ATP11C: variants seen among roughly 807,000 people sequenced by gnomAD.
The protein encoded by ATP11C is phospholipid-transporting ATPase IG.
In ATP11C, 36 loss-of-function variants were observed where a neutral mutation model predicts 97.4. The observed-to-expected ratio is 0.37, with a 90% CI of 0.28 to 0.49. ATP11C has a LOEUF of 0.49. ATP11C is among the 20% of genes least tolerant of loss of function. The pLI is 0.98. For missense variants in ATP11C, 730 were observed against 824.6 expected, an observed-to-expected ratio of 0.89 and a Z score of 1.40; for synonymous variants, 275 against 290.9, an observed-to-expected ratio of 0.95 and a Z score of 0.56.
intron 1 of ATP11C, among the ~76,000 whole-genome samples, chrX:139,878,197 A>T (rs1199706400): frequency 8.9e-6 from 1 of 112,047 alleles, no homozygotes; most frequent in Non-Finnish European, 1.9e-5. Flanking sequence ...ATAATAAAGG[A>T]TTAGGGTGAT....
At position 139,762,041 on chromosome X, in the gene ATP11C, G is replaced by A. The variant is rs2082047966; in HGVS notation, c.2560C>T (p.His854Tyr). The change falls in exon 22 of 30, where the codon CAC (histidine) becomes TAC (tyrosine). Residue 854 changes from histidine (H) to tyrosine (Y), a missense_variant. His to Tyr is a moderately conservative substitution (Grantham distance 83, BLOSUM62 2). Transcript: ENST00000682941. ...TGAGCCAACAGCAGTTTCTTTAAGTGTTTAAACTTTGGAACAGAATAATCG... is the reference window on the plus strand; with the variant it reads ...TGAGCCAACAGCAGTTTCTTTAAGTATTTAAACTTTGGAACAGAATAATCG... ...NSDYSVPKFK[H>Y]LKKLLLAHGH... The A allele has an allele frequency of 8.3e-7, 1 of 1,207,865 alleles. No individual in the cohort carries two copies. Among genetic ancestry groups the A allele is most frequent in the Non-Finnish European group, 1.1e-6 (1 of 892,397 alleles).
intron 12 of ATP11C, among the ~76,000 whole-genome samples, chrX:139,795,625 T>C (rs1320850858): frequency 1.8e-5 from 2 of 111,888 alleles, no homozygotes; most frequent in Non-Finnish European, 3.8e-5. Context: ...CTCGATACTA[T>C]TAAGAAAAGC....
At chrX:139,760,495 C>A (rs1040076924) in intron 22 of ATP11C, among the ~76,000 whole-genome samples, 2 of 111,805 alleles carry the variant, frequency 1.8e-5, no homozygotes, top group Non-Finnish European at 3.8e-5. Flanking sequence ...AGGTGCTGAG[C>A]TTTAACTCTT....
rs1412617689 is a variant in ATP11C at position 139,762,035 on chromosome X, T to G, written c.2566A>C (p.Lys856Gln). ...TGTCCATGAGCCAACAGCAGTTTCTTTAAGTGTTTAAACTTTGGAACAGAA... is the reference window on the plus strand; with the variant it reads ...TGTCCATGAGCCAACAGCAGTTTCTGTAAGTGTTTAAACTTTGGAACAGAA... ...DYSVPKFKHL[K>Q]KLLLAHGHLY... The change falls in exon 22 of 30, where the codon AAG (lysine) becomes CAG (glutamine). Residue 856 changes from lysine (K) to glutamine (Q), a missense_variant. By Grantham distance (53) the Lys-to-Gln change is moderately conservative. Transcript: ENST00000682941. 1 of 1,207,753 alleles carries G rather than the reference T, an allele frequency of 8.3e-7. No individual in the cohort carries two copies. Among genetic ancestry groups the G allele is most frequent in the South Asian group, 1.8e-5 (1 of 56,736 alleles).
chrX:139,822,186 C>T (rs1265738328), intron 2 of ATP11C, among the ~76,000 whole-genome samples: 1 of 111,838 alleles, frequency 8.9e-6, no homozygotes, highest in Non-Finnish European at 1.9e-5. Flanking sequence ...TGCTTGGAGA[C>T]GTCAGTAAAT....
At chrX:139,900,054 G>A (rs1412313030) in intron 1 of ATP11C, among the ~76,000 whole-genome samples, 4 of 110,111 alleles carry the variant, frequency 3.6e-5, no homozygotes, top group African/African-American at 1.0e-4. Context: ...AGCCTGAACA[G>A]CCAAGGATAT....
chrX:139,783,726 A>G (rs979318871), intron 16 of ATP11C, among the ~76,000 whole-genome samples: 27 of 111,330 alleles, frequency 2.4e-4, no homozygotes, highest in Non-Finnish European at 4.1e-4. Flanking sequence ...TTAAAAAATT[A>G]GCCAGGCATG....
At chrX:139,824,612 A>T (rs1257119368) in intron 2 of ATP11C, among the ~76,000 whole-genome samples, 2 of 111,341 alleles carry the variant, frequency 1.8e-5, no homozygotes, top group Non-Finnish European at 3.8e-5. Flanking sequence ...GCGTGAACCC[A>T]GGAGGCGGGG....
chrX:139,844,281 T>C (rs918830122), intron 1 of ATP11C, among the ~76,000 whole-genome samples: 1 of 112,444 alleles, frequency 8.9e-6, no homozygotes, highest in African/African-American at 3.2e-5. Flanking sequence ...GCAAAGGTTA[T>C]GATAAATGAC....
chrX:139,819,421 G>C lies in ATP11C; in HGVS notation c.154C>G (p.Leu52Val). 9.4e-7 allele frequency: 1 copy of C among 1,063,642 alleles called. No individual in the cohort carries two copies. Among genetic ancestry groups the C allele is most frequent in the Non-Finnish European group, 1.3e-6 (1 of 791,031 alleles). 87.7% of individuals were successfully genotyped at this position (1,063,642 alleles called of 1,213,427 possible). The change falls in exon 3 of 30, where the codon CTT becomes GTT. Residue 52 changes from leucine to valine, a missense_variant. Coordinates refer to ENST00000682941, the MANE Select transcript of ATP11C (RefSeq NM_001353812.2). ...DNRIVSSKYTLWNFLPKNLFE... is the reference protein window; with the variant it reads ...DNRIVSSKYTVWNFLPKNLFE... ...AGATTCTTTGGGAGAAAATTCCAAA[G>C]TGTATACTGTAAGGGAGGAAGAAAA...
intron 1 of ATP11C, among the ~76,000 whole-genome samples, chrX:139,846,631 T>A (rs2083912616): frequency 8.9e-6 from 1 of 111,786 alleles, no homozygotes; most frequent in African/African-American, 3.3e-5. Flanking sequence ...AACGCTTTCG[T>A]TCACTCCTAG....
At chrX:139,752,749 T>C (rs1181181136) in intron 23 of ATP11C, among the ~76,000 whole-genome samples, 2 of 112,181 alleles carry the variant, frequency 1.8e-5, no homozygotes, top group South Asian at 3.7e-4. Context: ...TTTTGCTCAA[T>C]AGCAATTTGA....
rs192736254 is a variant in ATP11C, at chrX:139,741,901, C to T, written c.3031-807G>A. ...AGGAGATGGTGTCTCAGTTTTGTTACTTGCTGTGACACCATGGTCATCAGC... is the reference window on the plus strand; with the variant it reads ...AGGAGATGGTGTCTCAGTTTTGTTATTTGCTGTGACACCATGGTCATCAGC... On this transcript the variant is annotated intron_variant, in intron 26 of 29. Transcript: ENST00000682941. 2.8e-4 allele frequency among the ~76,000 whole-genome samples: 31 copies of T among 111,700 alleles called. No individual in the cohort carries two copies. The East Asian group carries it at 8.2e-3, about 30-fold the overall frequency.
chrX:139,762,211 A>C, intron 21 of ATP11C, 105 bp from the exon 22 acceptor site: 1 of 666,878 alleles, frequency 1.5e-6, no homozygotes, highest in Non-Finnish European at 2.2e-6. Context: ...CAATTCTATC[A>C]ATTAGTTTTC....
intron 23 of ATP11C, among the ~76,000 whole-genome samples, chrX:139,757,343 T>A (rs1478916773): frequency 8.9e-6 from 1 of 111,780 alleles, no homozygotes; most frequent in East Asian, 2.8e-4. Flanking sequence ...ATATTCCTTA[T>A]GTAATACATG....
At chrX:139,876,541 C>T (rs2084477813) in intron 1 of ATP11C, among the ~76,000 whole-genome samples, 1 of 112,137 alleles carries the variant, frequency 8.9e-6, no homozygotes, top group African/African-American at 3.2e-5. Flanking sequence ...AAGGGTTTCT[C>T]CTGCCTCAGC....
chrX:139,747,220 A>T (rs1053077424), intron 24 of ATP11C, among the ~76,000 whole-genome samples: 2 of 111,971 alleles, frequency 1.8e-5, no homozygotes, highest in African/African-American at 6.5e-5. Flanking sequence ...CTGCCAGCCA[A>T]TGTGGCTTTT....
At chrX:139,805,120 TG>T (rs1257610287) in intron 5 of ATP11C, among the ~76,000 whole-genome samples, 4 of 111,806 alleles carry the variant, frequency 3.6e-5, no homozygotes, top group Non-Finnish European at 3.8e-5. Context: ...CCAAAATATT[TG>T]AATTTTTTTT....
Position 139,741,056 on chromosome X carries a change from G to A in ATP11C, c.3069C>T (p.His1023=). ...LDTRFWTWIN[H]FVIWGSLAFY... Reference sequence around the variant, plus strand: ...AGGCTAAAGAACCCCAAATCACAAAGTGATTTATCCACGTCCAGAATCGGG... The same window carrying A: ...AGGCTAAAGAACCCCAAATCACAAAATGATTTATCCACGTCCAGAATCGGG... The change falls in exon 27 of 30, where the codon CAC becomes CAT. Residue 1023 remains histidine (H), a synonymous_variant. Coordinates refer to ENST00000682941, the MANE Select transcript of ATP11C (RefSeq NM_001353812.2). The A allele has an allele frequency of 8.3e-7, 1 of 1,206,685 alleles. No homozygotes were observed. Among genetic ancestry groups the A allele is most frequent in the Non-Finnish European group, 1.1e-6 (1 of 891,527 alleles).
Sources: gnomAD v4.1 joint callset for allele counts (sites outside exome capture counted in the v4.1 genomes callset) on GRCh38, gnomAD v4.1.1 for gene constraint, MANE v1.5 for transcripts, NCBI Gene and HGNC (gene_info 2026-07-23, HGNC 2026-07-21) for gene names.